Variants in CADPS2 observed in about 807,000 individuals in gnomAD.
CADPS2 encodes the protein calcium-dependent secretion activator 2.
A neutral mutation model predicts 172.5 loss-of-function variants in CADPS2; 93 were observed. The ratio of observed to expected loss-of-function variants is 0.54; its 90% CI spans 0.46 to 0.64. The LOEUF is 0.64. Among genes scored for constraint, CADPS2 ranks in the 30% least tolerant of loss-of-function variants. The pLI is 0.00. For missense variants in CADPS2, 1,420 were observed against 1,565.9 expected (o/e 0.91, Z 1.57); for synonymous variants, 546 against 555.2 (o/e 0.98, Z 0.23).
At chr7:122,791,832 T>G (rs1033137026) in intron 1 of CADPS2, among the ~76,000 whole-genome samples, 1 of 152,182 alleles carries the variant, frequency 6.6e-6, no homozygotes, top group African/African-American at 2.4e-5. Flanking sequence ...ATACATTTTA[T>G]CTCAATTATC....
intron 15 of CADPS2, among the ~76,000 whole-genome samples, chr7:122,449,523 C>G (rs546164551): frequency 6.6e-6 from 1 of 151,988 alleles, no homozygotes; most frequent in Non-Finnish European, 1.5e-5. Flanking sequence ...GGTCTCGCTA[C>G]GTTGCCTAGG....
At chr7:122,876,023 A>C (rs915640980) in intron 1 of CADPS2, among the ~76,000 whole-genome samples, 9 of 152,200 alleles carry the variant, frequency 5.9e-5, no homozygotes, top group Admixed American at 3.3e-4. Context: ...TATAACTTAA[A>C]AAAAAAATGG....
chr7:122,448,928 GA>G lies in CADPS2; in HGVS notation c.2288+2445del, dbSNP rs140174955. 1.1e-3 allele frequency among the ~76,000 whole-genome samples: 156 copies of G among 147,846 alleles called. 1 individual carries two copies. The highest frequency in any genetic ancestry group is 2.7e-3 in the Admixed American group (40 of 14,852). ...CTTAACGGCTAAGGTGTGAGATAAA[GA>G]AAAAAAAAATAAAAAAATTATGTTA... On this transcript the variant is annotated intron_variant, in intron 15 of 29. Coordinates refer to ENST00000449022, the MANE Select transcript of CADPS2 (RefSeq NM_017954.11).
At chr7:122,653,907 C>T (rs977376314) in intron 3 of CADPS2, among the ~76,000 whole-genome samples, 2 of 152,146 alleles carry the variant, frequency 1.3e-5, no homozygotes, top group Admixed American at 6.6e-5. Context: ...CTCAGCCCTG[C>T]CTATTCCCTA....
At chr7:122,627,544 C>T (rs1234336380) in intron 4 of CADPS2, among the ~76,000 whole-genome samples, 3 of 152,160 alleles carry the variant, frequency 2.0e-5, no homozygotes, top group African/African-American at 4.8e-5. Flanking sequence ...ATCACTAACC[C>T]TTTCTTCTGA....
chr7:122,839,485 AACAG>A (rs2140888678), intron 1 of CADPS2, among the ~76,000 whole-genome samples: 1 of 152,344 alleles, frequency 6.6e-6, no homozygotes, highest in African/African-American at 2.4e-5. Context: ...CATCAGAGTG[AACAG>A]ACAACCTACA....
intron 1 of CADPS2, among the ~76,000 whole-genome samples, chr7:122,781,211 G>A (rs770785199): frequency 6.6e-6 from 1 of 151,842 alleles, no homozygotes; most frequent in Non-Finnish European, 1.5e-5. Context: ...ACTATTTTTG[G>A]TTTTTACCCA....
chr7:122,784,449 T>G (rs557229765), intron 1 of CADPS2, among the ~76,000 whole-genome samples: 9 of 152,384 alleles, frequency 5.9e-5, no homozygotes, highest in African/African-American at 2.2e-4. Flanking sequence ...TTTCCCACCT[T>G]GAAGTCTCTA....
chr7:122,806,844 T>G (rs1315087492), intron 1 of CADPS2, among the ~76,000 whole-genome samples: 1 of 152,186 alleles, frequency 6.6e-6, no homozygotes, highest in Non-Finnish European at 1.5e-5. Flanking sequence ...TTGTTTTTGT[T>G]TCATGATTTC....
At chr7:122,501,870 G>A (rs1269735923) in intron 9 of CADPS2, among the ~76,000 whole-genome samples, 5 of 95,454 alleles carry the variant, frequency 5.2e-5, no homozygotes, top group Admixed American at 1.6e-4. Flanking sequence ...GCAAGACTCC[G>A]TCTCAAAAAA....
chr7:122,377,188 C>A (rs1332410099), intron 25 of CADPS2, among the ~76,000 whole-genome samples: 1 of 152,088 alleles, frequency 6.6e-6, no homozygotes, highest in Non-Finnish European at 1.5e-5. Flanking sequence ...GCTTCACTAG[C>A]CACATTTCAA....
intron 9 of CADPS2, among the ~76,000 whole-genome samples, chr7:122,501,757 C>T (rs2059219176): frequency 6.6e-6 from 1 of 151,642 alleles, no homozygotes; most frequent in Admixed American, 6.6e-5. Flanking sequence ...CGCCTGTAGT[C>T]CCAGCTACTC....
At chr7:122,807,431 T>C (rs1183236615) in intron 1 of CADPS2, among the ~76,000 whole-genome samples, 1 of 152,172 alleles carries the variant, frequency 6.6e-6, no homozygotes, top group Non-Finnish European at 1.5e-5. Flanking sequence ...CACTGGAAAG[T>C]ATGGACCAAC....
chr7:122,453,891 G>A lies in CADPS2; in HGVS notation c.2187-2416C>T, dbSNP rs2053438530. On this transcript the variant is annotated intron_variant, in intron 14 of 29. Transcript: ENST00000449022. ...CTAAGAAAAGAATGTTATACAGAGT[G>A]AAGGACCACCATTTTACTGAGTTTA... Among the ~76,000 whole-genome samples, 4 of 152,134 alleles carry A rather than the reference G, an allele frequency of 2.6e-5. No homozygotes were observed. In the South Asian group the frequency reaches 6.2e-4, roughly 24 times the overall value.
chr7:122,454,173 A>T (rs182217273), intron 14 of CADPS2, among the ~76,000 whole-genome samples: 158 of 152,306 alleles, frequency 1.0e-3, no homozygotes, highest in African/African-American at 3.6e-3. Context: ...TGTCACTGTA[A>T]TTATTAAAAC....
chr7:122,582,412 G>A (rs1548744), intron 6 of CADPS2, among the ~76,000 whole-genome samples: 90,560 of 151,622 alleles, frequency 0.6, 27,336 homozygotes, highest in African/African-American at 0.7. Flanking sequence ...TGAAGAAACT[G>A]GCATCTAGAT....
At chr7:122,457,370 T>C (rs1563390640) in intron 14 of CADPS2, among the ~76,000 whole-genome samples, 1 of 152,224 alleles carries the variant, frequency 6.6e-6, no homozygotes, top group Non-Finnish European at 1.5e-5. Flanking sequence ...TTCAGGGGTT[T>C]GTAACACCAA....
intron 28 of CADPS2, among the ~76,000 whole-genome samples, chr7:122,326,749 A>G (rs1220500478): frequency 1.3e-5 from 2 of 152,080 alleles, no homozygotes; most frequent in Non-Finnish European, 2.9e-5. Flanking sequence ...CACTGATCCA[A>G]GTCTGAAATT....
At chr7:122,719,117 G>C (rs2090054088) in intron 2 of CADPS2, among the ~76,000 whole-genome samples, 1 of 152,086 alleles carries the variant, frequency 6.6e-6, no homozygotes, top group Non-Finnish European at 1.5e-5. Context: ...GGGCAAGCCA[G>C]GGTCTTTGGG....
Sources: allele counts gnomAD v4.1 joint callset (sites outside exome capture counted in the v4.1 genomes callset), GRCh38; gene constraint gnomAD v4.1.1; transcripts MANE v1.5; gene names NCBI Gene and HGNC (gene_info 2026-07-23, HGNC 2026-07-21).